The following ZP2 variants were observed in gnomAD, a reference collection of about 807,000 sequenced individuals.
ZP2 encodes the protein zona pellucida sperm-binding protein 2.
Under a neutral mutation model 84.0 loss-of-function variants are expected in ZP2, and 51 were observed. The ratio of observed to expected loss-of-function variants is 0.61; its 90% CI spans 0.49 to 0.77. ZP2 has a LOEUF of 0.77. Among genes scored for constraint, ZP2 ranks in the 30% least tolerant of loss-of-function variants. ZP2 has a pLI of 0.00. For synonymous variants in ZP2, 375 were observed against 330.9 expected, an observed-to-expected ratio of 1.13 and a Z score of -1.45; for missense variants, 909 against 911.9, an observed-to-expected ratio of 1.00 and a Z score of 0.04.
At chr16:21,209,534 G>T in intron 4 of ZP2, 97 bp downstream of exon 4, 2 of 1,094,646 alleles carry the variant, frequency 1.8e-6, no homozygotes, top group Non-Finnish European at 1.4e-6. Flanking sequence ...GAGAGCCACT[G>T]CTTTACTCCA....
intron 7 of ZP2, 125 bp from the exon 8 acceptor site, chr16:21,204,529 C>A: frequency 1.4e-6 from 1 of 732,358 alleles, no homozygotes; most frequent in Non-Finnish European, 2.3e-6. Context: ...AGGATTTAAG[C>A]ATTTGTCTAA....
chr16:21,197,464 T>TC lies in ZP2; in HGVS notation c.*15_*16insG. The TC allele has an allele frequency of 6.2e-7, 1 of 1,613,818 alleles. No homozygotes were observed. The highest frequency in any genetic ancestry group is 8.5e-7 in the Non-Finnish European group (1 of 1,179,800). On this transcript the variant is annotated 3_prime_UTR_variant, in exon 19 of 19. Coordinates refer to ENST00000574091, the MANE Select transcript of ZP2 (RefSeq NM_001376232.1). ...AGGCAAGAGGCTTATTTTGACTGCT[T>TC]TATTTAGAAGCCCATTTAGTGATTT...
intron 4 of ZP2, among the ~76,000 whole-genome samples, chr16:21,208,185 T>C (rs959205074): frequency 2.0e-5 from 3 of 152,314 alleles, no homozygotes; most frequent in Non-Finnish European, 2.9e-5. Context: ...GCCACTACTT[T>C]CCAGCCTGGG....
upstream of ZP2, chr16:21,211,862 G>T: frequency 9.5e-7 from 1 of 1,054,272 alleles, no homozygotes; most frequent in Non-Finnish European, 1.3e-6. Flanking sequence ...ATTTACAACT[G>T]CAATGTAGAG....
At chr16:21,206,102 A>T in intron 5 of ZP2, 1 of 344,550 alleles carries the variant, frequency 2.9e-6, no homozygotes, top group Non-Finnish European at 5.5e-6. Flanking sequence ...GGTTCAAGCG[A>T]TTCTCCTGCC....
At chr16:21,210,024 G>A (rs1466947236) in intron 3 of ZP2, 85 bp downstream of exon 3, 6 of 1,238,422 alleles carry the variant, frequency 4.8e-6, no homozygotes, top group Non-Finnish European at 7.1e-6. Context: ...CAGGAGTTTG[G>A]GTACTCTGCT....
Position 21,211,378 on chromosome 16 carries a change from G to A in ZP2, c.80C>T (p.Ser27Phe), listed in dbSNP as rs753844143. Residue 27 changes from serine (S) to phenylalanine (F), a missense_variant, in exon 2 of 19, where the codon TCT becomes TTT. Physicochemically the swap from Ser to Phe is radical, Grantham distance 155. Coordinates refer to ENST00000574091, the MANE Select transcript of ZP2 (RefSeq NM_001376232.1). ...NAGWSTYRSISLFFALVTSGN... is the reference protein window; with the variant it reads ...NAGWSTYRSIFLFFALVTSGN... ...TGAAGTCACAAGGGCGAAGAAGAGAGAAATCGACCTGTAGGTGCTGGAAAG... is the reference window on the plus strand; with the variant it reads ...TGAAGTCACAAGGGCGAAGAAGAGAAAAATCGACCTGTAGGTGCTGGAAAG... 5 of 1,614,058 alleles carry A rather than the reference G, an allele frequency of 3.1e-6. No individual in the cohort carries two copies. The African/African-American group carries it at 5.3e-5, about 17-fold the overall frequency.
intron 5 of ZP2, among the ~76,000 whole-genome samples, chr16:21,206,246 C>T (rs1005549241): frequency 6.6e-6 from 1 of 152,186 alleles, no homozygotes; most frequent in South Asian, 2.1e-4. Flanking sequence ...ATCCACCTAC[C>T]TCAGCCTCCC....
chr16:21,201,628 G>A, intron 13 of ZP2, 70 bp from the exon 14 acceptor site: 1 of 1,609,120 alleles, frequency 6.2e-7, no homozygotes, highest in East Asian at 2.2e-5. Context: ...TGCTCCATTA[G>A]TCTGGCAGTA....
chr16:21,200,399 T>C (rs553615501), intron 14 of ZP2, among the ~76,000 whole-genome samples: 4 of 152,262 alleles, frequency 2.6e-5, no homozygotes, highest in African/African-American at 9.6e-5. Flanking sequence ...GATTGTGCCA[T>C]TGCACTCCAG....
chr16:21,212,937 G>A (rs1285177191), upstream of ZP2, among the ~76,000 whole-genome samples: 1 of 152,208 alleles, frequency 6.6e-6, no homozygotes, highest in African/African-American at 2.4e-5. Context: ...TGCAGCCCAT[G>A]TTCCAAAATA....
rs377108607 is a variant in ZP2 at position 21,204,297 on chromosome 16, T to G, written c.790+11A>C. On this transcript the variant is annotated intron_variant, in intron 8 of 18. Transcript: ENST00000574091. ...CTCCCACACTGAGGTTGCAGCTATCTGGGACCTTACCTGGTGCACAAATAG... is the reference window on the plus strand; with the variant it reads ...CTCCCACACTGAGGTTGCAGCTATCGGGGACCTTACCTGGTGCACAAATAG... 1 of 1,614,082 alleles carries G rather than the reference T, an allele frequency of 6.2e-7. No individual in the cohort carries two copies. The highest frequency in any genetic ancestry group is 1.3e-5 in the African/African-American group (1 of 75,046).
intron 10 of ZP2, 102 bp from the exon 11 acceptor site, chr16:21,202,393 G>C: frequency 9.2e-7 from 1 of 1,087,348 alleles, no homozygotes. Context: ...AATTTAGCAG[G>C]AGGCATCAGA....
intron 5 of ZP2, 102 bp from the exon 6 acceptor site, chr16:21,205,877 G>T: frequency 1.8e-6 from 2 of 1,093,482 alleles, no homozygotes; most frequent in Non-Finnish European, 2.8e-6. Flanking sequence ...AAGGCCTGCT[G>T]TGGGATGCAG....
At chr16:21,211,583 T>C, upstream of ZP2, 2 of 1,613,450 alleles carry the variant, frequency 1.2e-6, no homozygotes, top group Non-Finnish European at 1.7e-6. Context: ...AGGTAGAGGG[T>C]AGGCTGCTCT....
chr16:21,212,342 C>CTTA (rs2093278671), upstream of ZP2, among the ~76,000 whole-genome samples: 1 of 152,154 alleles, frequency 6.6e-6, no homozygotes, highest in South Asian at 2.1e-4. Context: ...AGTGTAAAAG[C>CTTA]TTAAGCTTAC....
chr16:21,204,322 G>C lies in ZP2; in HGVS notation c.776C>G (p.Ala259Gly). The C allele has an allele frequency of 6.2e-7, 1 of 1,614,062 alleles. No individual in the cohort carries two copies. The highest frequency in any genetic ancestry group is 1.1e-5 in the South Asian group (1 of 91,080). Reference sequence around the variant, plus strand: ...TGGGACCTTACCTGGTGCACAAATAGCTTGTGAAGAGAAGATCACCTTCTG... The same window carrying C: ...TGGGACCTTACCTGGTGCACAAATACCTTGTGAAGAGAAGATCACCTTCTG... The part of the protein sequence containing the change: ...PGQKVIFSSQ[A>G]ICAPDPVTCN... The change falls in exon 8 of 19, where the codon GCT (alanine) becomes GGT (glycine). Residue 259 changes from alanine (A) to glycine (G), a missense_variant. Physicochemically the swap from Ala to Gly is moderately conservative, Grantham distance 60. Transcript: ENST00000574091.
rs779919419 is a variant in ZP2 at position 21,199,846 on chromosome 16, G to T, written c.1727C>A (p.Thr576Asn). The T allele has an allele frequency of 6.2e-7, 1 of 1,612,992 alleles. No individual in the cohort carries two copies. Among genetic ancestry groups the T allele is most frequent in the Non-Finnish European group, 8.5e-7 (1 of 1,180,008 alleles). The change falls in exon 15 of 19, where the codon ACC (threonine) becomes AAC (asparagine). Residue 576 changes from threonine to asparagine, a missense_variant. Physicochemically the swap from Thr to Asn is moderately conservative, Grantham distance 65 (BLOSUM62 0). Coordinates refer to ENST00000574091, the MANE Select transcript of ZP2 (RefSeq NM_001376232.1). Reference protein sequence around the residue: ...CAYDLDNYQTTFHPVGSSVTH... With the variant: ...CAYDLDNYQTNFHPVGSSVTH... The stretch of plus-strand genomic sequence containing the variant: ...CACAGAGGAGCCGACTGGATGGAAG[G>T]TGGTCTGGTAGTTGTCCAGGTCATA...
chr16:21,208,209 C>T (rs933379443), intron 4 of ZP2, among the ~76,000 whole-genome samples: 1 of 152,202 alleles, frequency 6.6e-6, no homozygotes, highest in African/African-American at 2.4e-5. Flanking sequence ...CAGAGCAAGC[C>T]TGCCTCAGAA....
Sources: gnomAD v4.1 joint callset for allele counts (sites outside exome capture counted in the v4.1 genomes callset) on GRCh38, gnomAD v4.1.1 for gene constraint, MANE v1.5 for transcripts, NCBI Gene and HGNC (gene_info 2026-07-23, HGNC 2026-07-21) for gene names.